The following TOGARAM1 variants were observed in gnomAD, a reference collection of about 807,000 sequenced individuals.
TOGARAM1 encodes the protein TOG array regulator of axonemal microtubules protein 1.
In TOGARAM1, 100 loss-of-function variants were observed where a neutral mutation model predicts 166.6. That is an observed-to-expected ratio of 0.60 (90% CI 0.51 to 0.71). The LOEUF (loss-of-function observed/expected upper bound fraction) is 0.71, where lower values mean the gene tolerates loss of function less well. TOGARAM1 is among the 30% of genes least tolerant of loss of function. TOGARAM1 has a pLI of 0.00. For missense variants in TOGARAM1, 2,029 were observed against 2,102.7 expected, an observed-to-expected ratio of 0.96 and a Z score of 0.69; for synonymous variants, 758 against 763.8, an observed-to-expected ratio of 0.99 and a Z score of 0.13.
chr14:44,999,689 A>G (rs953267246), intron 3 of TOGARAM1, among the ~76,000 whole-genome samples, 192 bp downstream of exon 3: 12 of 152,222 alleles, frequency 7.9e-5, no homozygotes, highest in African/African-American at 2.7e-4. Context: ...TATAAATACA[A>G]CTGATTAAAA....
At chr14:45,065,284 T>C (rs907317494) in intron 16 of TOGARAM1, among the ~76,000 whole-genome samples, 5 of 152,180 alleles carry the variant, frequency 3.3e-5, no homozygotes, top group Non-Finnish European at 7.3e-5. Context: ...TTCAAAAGGA[T>C]GATCATCTAA....
Position 44,963,683 on chromosome 14 carries a change from T to C in TOGARAM1, c.1262T>C (p.Leu421Pro), listed in dbSNP as rs1885348928. 2 of 1,613,658 alleles carry C rather than the reference T, an allele frequency of 1.2e-6. No homozygotes were observed. Among genetic ancestry groups the C allele is most frequent in the Non-Finnish European group, 1.7e-6 (2 of 1,180,044 alleles). Residue 421 changes from leucine to proline, a missense_variant, in exon 1 of 20, where the codon CTG (leucine) becomes CCG (proline). Leu to Pro is a moderately conservative substitution (Grantham distance 98). Around this residue, in one of 2 missense-constraint regions of TOGARAM1, gnomAD observed 1,453 missense variants for 1,432.2 expected, o/e 1.01. Transcript: ENST00000361462. ...VHGTLEVLHL[L>P]VIRLGEQVQQ... ...GGCACACTTGAAGTCCTGCATTTAC[T>C]GGTTATTCGCCTTGGAGAGCAGGTA...
intron 19 of TOGARAM1, among the ~76,000 whole-genome samples, chr14:45,072,274 T>TA (rs1566681098): frequency 6.6e-6 from 1 of 152,186 alleles, no homozygotes; most frequent in Non-Finnish European, 1.5e-5. Context: ...TCCTATGACT[T>TA]ATCTTGAGTT....
intron 1 of TOGARAM1, among the ~76,000 whole-genome samples, chr14:44,971,962 A>G (rs754593103): frequency 6.6e-6 from 1 of 151,944 alleles, no homozygotes; most frequent in Non-Finnish European, 1.5e-5. Context: ...ATTTACAATT[A>G]TGGCAGAAAG....
chr14:44,964,035 A>G lies in TOGARAM1; in HGVS notation c.1614A>G (p.Ala538=). ...QAALEAFAVL[A]SSMGSGKTSI... ...CTTTAGAAGCTTTTGCCGTATTGGC[A>G]TCATCAATGGGCTCAGGTAAAACCA... Residue 538 remains alanine, a synonymous_variant, in exon 1 of 20, where the codon GCA becomes GCG. Coordinates refer to ENST00000361462, the MANE Select transcript of TOGARAM1 (RefSeq NM_001308120.2). The G allele has an allele frequency of 2.5e-6, 4 of 1,614,168 alleles. No homozygotes were observed. Among genetic ancestry groups the G allele is most frequent in the Non-Finnish European group, 3.4e-6 (4 of 1,180,004 alleles).
At chr14:45,034,041 C>A (rs1240461601) in intron 11 of TOGARAM1, among the ~76,000 whole-genome samples, 1 of 152,050 alleles carries the variant, frequency 6.6e-6, no homozygotes, top group Non-Finnish European at 1.5e-5. Context: ...TCTGTAGTAC[C>A]AGCCACTTGG....
intron 1 of TOGARAM1, among the ~76,000 whole-genome samples, chr14:44,975,209 C>T (rs533559986): frequency 6.6e-6 from 1 of 152,264 alleles, no homozygotes; most frequent in South Asian, 2.1e-4. Context: ...CATCCAATAA[C>T]TACATTATAC....
Position 44,962,662 on chromosome 14 carries a change from A to G in TOGARAM1, c.241A>G (p.Ser81Gly). Residue 81 changes from serine (S) to glycine (G), a missense_variant, in exon 1 of 20, where the codon AGC becomes GGC. Coordinates refer to ENST00000361462, the MANE Select transcript of TOGARAM1 (RefSeq NM_001308120.2). The stretch of plus-strand genomic sequence containing the variant: ...GATGCCCTCGGAGGCAGTCTCAAGC[A>G]GCTGGTCTGAGTCTGGAGGCGGTTT... Reference protein sequence around the residue: ...LLMPSEAVSSSWSESGGGLSG... With the variant: ...LLMPSEAVSSGWSESGGGLSG... 1 of 1,614,186 alleles carries G rather than the reference A, an allele frequency of 6.2e-7. No individual in the cohort carries two copies. The highest frequency in any genetic ancestry group is 1.1e-5 in the South Asian group (1 of 91,088).
At chr14:45,012,936 C>T (rs1879896819) in intron 7 of TOGARAM1, among the ~76,000 whole-genome samples, 1 of 152,176 alleles carries the variant, frequency 6.6e-6, no homozygotes, top group Non-Finnish European at 1.5e-5. Flanking sequence ...TTTCTCCCTG[C>T]TTCAATCTCA....
Position 45,066,785 on chromosome 14 carries a change from T to A in TOGARAM1, c.4749+18T>A, listed in dbSNP as rs752046359. On this transcript the variant is annotated intron_variant, in intron 17 of 19. Coordinates refer to ENST00000361462, the MANE Select transcript of TOGARAM1 (RefSeq NM_001308120.2). ...TTGTGAAGGTAAGGACTTGTCAGAA[T>A]TAATTTTAATGTGGGTATGGTGGCT... is the stretch of plus-strand genomic sequence containing the variant. 2 of 1,600,428 alleles carry A rather than the reference T, an allele frequency of 1.2e-6. No homozygotes were observed. Among genetic ancestry groups the A allele is most frequent in the Non-Finnish European group, 1.7e-6 (2 of 1,170,908 alleles).
intron 1 of TOGARAM1, 26 bp from the exon 2 acceptor site, chr14:44,995,720 G>T (rs754410964): frequency 1.3e-5 from 20 of 1,483,570 alleles, no homozygotes; most frequent in Admixed American, 6.8e-5. Flanking sequence ...ACACAAATTT[G>T]CTAATTTATG....
At chr14:45,062,198 A>G (rs1428926739) in intron 16 of TOGARAM1, among the ~76,000 whole-genome samples, 1 of 152,068 alleles carries the variant, frequency 6.6e-6, no homozygotes, top group East Asian at 1.9e-4. Context: ...TACTTGTTCT[A>G]TCAATTGCTG....
chr14:44,997,713 T>C (rs943348004), intron 2 of TOGARAM1, among the ~76,000 whole-genome samples: 2 of 151,878 alleles, frequency 1.3e-5, no homozygotes, highest in African/African-American at 4.8e-5. Flanking sequence ...ACCATATCAT[T>C]TAGAAAGAGG....
rs1047656317 is a variant in TOGARAM1, at chr14:45,004,328, T to G, written c.2606T>G (p.Val869Gly). The G allele has an allele frequency of 6.2e-7, 1 of 1,613,902 alleles. No homozygotes were observed. The highest frequency in any genetic ancestry group is 1.3e-5 in the African/African-American group (1 of 75,006). The stretch of plus-strand genomic sequence containing the variant: ...AAGCCAAGTCCACAGAAGAAGCTTG[T>G]CAGCCAAAAATCGTCTGATCCTACG... ...LSKPSPQKKL[V>G]SQKSSDPTGR... Residue 869 changes from valine to glycine, a missense_variant, in exon 4 of 20, where the codon GTC becomes GGC. Val to Gly is a moderately radical substitution (Grantham distance 109). Transcript: ENST00000361462.
intron 7 of TOGARAM1, among the ~76,000 whole-genome samples, chr14:45,022,183 T>A (rs1239337975): frequency 1.3e-5 from 2 of 151,938 alleles, no homozygotes; most frequent in African/African-American, 4.8e-5. Context: ...CCATTGTCAC[T>A]CTGTAAGCCT....
rs1217991664 is a variant in TOGARAM1, at chr14:44,962,308, T to C, written c.-114T>C. On this transcript the variant is annotated 5_prime_UTR_variant, in exon 1 of 20. Coordinates refer to ENST00000361462, the MANE Select transcript of TOGARAM1 (RefSeq NM_001308120.2). ...CGGCCTGGCGGCAGGCTGAAGCTGTTCTTTTGCCTCTTCTGCAGCTTGGGG... is the reference window on the plus strand; with the variant it reads ...CGGCCTGGCGGCAGGCTGAAGCTGTCCTTTTGCCTCTTCTGCAGCTTGGGG... 1.0e-5 allele frequency: 14 copies of C among 1,335,216 alleles called. No homozygotes were observed. The highest frequency in any genetic ancestry group is 1.5e-5 in the African/African-American group (1 of 67,140). 82.7% of individuals were successfully genotyped at this position (1,335,216 alleles called of 1,614,324 possible).
At chr14:45,040,620 T>A (rs557622600) in intron 11 of TOGARAM1, among the ~76,000 whole-genome samples, 2 of 152,180 alleles carry the variant, frequency 1.3e-5, no homozygotes, top group African/African-American at 4.8e-5. Context: ...CTACTGATCA[T>A]ACAGCTGTTA....
At chr14:44,998,718 T>A (rs1241637007) in intron 2 of TOGARAM1, among the ~76,000 whole-genome samples, 1 of 152,186 alleles carries the variant, frequency 6.6e-6, no homozygotes, top group Non-Finnish European at 1.5e-5. Flanking sequence ...TTTTTTTTAA[T>A]CATACAGTTT....
At chr14:44,972,377 A>G (rs989514496) in intron 1 of TOGARAM1, among the ~76,000 whole-genome samples, 1 of 152,144 alleles carries the variant, frequency 6.6e-6, no homozygotes, top group Admixed American at 6.5e-5. Context: ...ATAGATGTCA[A>G]TTACATCTAG....
Sources: allele counts gnomAD v4.1 joint callset (sites outside exome capture counted in the v4.1 genomes callset), GRCh38; gene constraint gnomAD v4.1.1; regional missense constraint gnomAD v4.1.1; transcripts MANE v1.5; gene names NCBI Gene and HGNC (gene_info 2026-07-23, HGNC 2026-07-21).